Variants in APCDD1 observed in about 807,000 individuals in gnomAD.
The protein encoded by APCDD1 is protein APCDD1.
In APCDD1, 15 loss-of-function variants were observed where a neutral mutation model predicts 38.1. The observed-to-expected ratio is 0.39, with a 90% confidence interval of 0.26 to 0.61. The LOEUF (loss-of-function observed/expected upper bound fraction) is 0.61, where lower values mean the gene tolerates loss of function less well. Ranked by LOEUF, APCDD1 falls within the 20% of genes least tolerant of loss-of-function variation. The pLI is 0.49. For synonymous variants in APCDD1, 261 were observed against 279.7 expected, an observed-to-expected ratio of 0.93 and a Z score of 0.67; for missense variants, 647 against 696.2, an observed-to-expected ratio of 0.93 and a Z score of 0.79.
Position 10,471,336 on chromosome 18 carries a change from C to T in APCDD1, c.243-194C>T, listed in dbSNP as rs1023697599. Among the ~76,000 whole-genome samples the T allele has an allele frequency of 8.5e-5, 13 of 152,188 alleles. No individual in the cohort carries two copies. Among genetic ancestry groups the T allele is most frequent in the Admixed American group, 8.5e-4 (13 of 15,284 alleles). Reference sequence around the variant, plus strand: ...ACCTCAGTTTCCCCACCTGTAAAACCTGGGTGATGATAATACCTAACTCCT... The same window carrying T: ...ACCTCAGTTTCCCCACCTGTAAAACTTGGGTGATGATAATACCTAACTCCT... On this transcript the variant is annotated intron_variant, in intron 2 of 4. Coordinates refer to ENST00000355285, the MANE Select transcript of APCDD1 (RefSeq NM_153000.5). The surrounding 1 kb of genome is among the most constrained non-coding windows in gnomAD (Gnocchi z 5.5).
intron 4 of APCDD1, among the ~76,000 whole-genome samples, chr18:10,486,185 C>G (rs111876721): frequency 2.4e-4 from 36 of 152,240 alleles, no homozygotes; most frequent in African/African-American, 8.4e-4. Flanking sequence ...GGCCCTAACT[C>G]TATAAAAAAA....
In APCDD1 at chr18:10,458,882, C is replaced by T. The variant is rs1321452437; in HGVS notation, c.58+3843C>T. Among the ~76,000 whole-genome samples, 4 of 152,268 alleles carry T rather than the reference C, an allele frequency of 2.6e-5. 1 individual carries two copies. Among genetic ancestry groups the T allele is most frequent in the South Asian group, 2.1e-4 (1 of 4,820 alleles). The stretch of plus-strand genomic sequence containing the variant: ...TCGCAGGGAAAACCAGGAAAAAATC[C>T]GCTACCATCCTGGACGTATGAGTTC... On this transcript the variant is annotated intron_variant, in intron 1 of 4. Transcript: ENST00000355285.
rs751607212 is a variant in APCDD1, at chr18:10,485,641, C to T, written c.954C>T (p.Asn318=). 35 of 1,614,086 alleles carry T rather than the reference C, an allele frequency of 2.2e-5. No homozygotes were observed. The highest frequency in any genetic ancestry group is 1.9e-4 in the South Asian group (17 of 91,088). The change falls in exon 4 of 5, where the codon AAC becomes AAT. Residue 318 remains asparagine (N), a synonymous_variant. Transcript: ENST00000355285. This position sits in a 1 kb window ranked among gnomAD's most constrained non-coding sequence, Gnocchi z 5.8. ...FLTRHFIFHD[N]NNTWEGHYYH... ...CCCGCCACTTCATCTTCCATGACAA[C>T]AACAACACCTGGGAGGGCCACTACT...
chr18:10,483,327 T>A (rs745517174), intron 3 of APCDD1, among the ~76,000 whole-genome samples: 7 of 152,206 alleles, frequency 4.6e-5, no homozygotes, highest in Non-Finnish European at 1.0e-4. Flanking sequence ...CCCTAAGCCC[T>A]CTGTAGGAAA....
At position 10,470,398 on chromosome 18, in the gene APCDD1, G is replaced by A; in HGVS notation, c.243-1132G>A. Among the ~76,000 whole-genome samples the A allele has an allele frequency of 6.6e-6, 1 of 152,144 alleles. No homozygotes were observed. The highest frequency in any genetic ancestry group is 1.9e-4 in the East Asian group (1 of 5,190). ...GTTGAGTGCTTTATGTCCATAGGAT[G>A]TTACTCGACATCAGTTGTCAAACGT... On this transcript the variant is annotated intron_variant, in intron 2 of 4. Coordinates refer to ENST00000355285, the MANE Select transcript of APCDD1 (RefSeq NM_153000.5). The surrounding 1 kb of genome is among the most constrained non-coding windows in gnomAD (Gnocchi z 4.1).
chr18:10,460,937 A>G (rs546702631), intron 1 of APCDD1, among the ~76,000 whole-genome samples: 5 of 152,346 alleles, frequency 3.3e-5, no homozygotes, highest in Admixed American at 2.6e-4. Flanking sequence ...GGATGTGAAC[A>G]GTTAACCTGA....
At chr18:10,477,899 C>G (rs1427482923) in intron 3 of APCDD1, 1 of 152,192 alleles carries the variant, frequency 6.6e-6, no homozygotes, top group African/African-American at 2.4e-5. Context: ...AGTCTTTTCT[C>G]TTAAAGAACC....
chr18:10,471,603 TACCA>T lies in APCDD1; in HGVS notation c.318_321del (p.Gln107PhefsTer45). ...CTACCACAATAACACCTTCAAGGCC[TACCA>T]ATTTTATTATGGCAGCAACCGGTGC... On this transcript the variant is annotated frameshift_variant, in exon 3 of 5. Transcript: ENST00000355285. LOFTEE classifies it high-confidence loss of function. The surrounding 1 kb of genome is among the most constrained non-coding windows in gnomAD (Gnocchi z 5.5). 2 of 1,614,186 alleles carry T rather than the reference TACCA, an allele frequency of 1.2e-6. No homozygotes were observed. The highest frequency in any genetic ancestry group is 1.7e-6 in the Non-Finnish European group (2 of 1,180,032).
At chr18:10,460,048 AC>A (rs1462044995) in intron 1 of APCDD1, among the ~76,000 whole-genome samples, 1 of 152,194 alleles carries the variant, frequency 6.6e-6, no homozygotes, top group Non-Finnish European at 1.5e-5. Flanking sequence ...ATAGAGATTA[AC>A]CTGATCAAAG....
chr18:10,458,106 C>T (rs572193153), intron 1 of APCDD1, among the ~76,000 whole-genome samples: 1 of 152,314 alleles, frequency 6.6e-6, no homozygotes, highest in African/African-American at 2.4e-5. Flanking sequence ...CTCCAAAACA[C>T]AGATTAGCAT....
chr18:10,482,746 T>A (rs933104634), intron 3 of APCDD1, among the ~76,000 whole-genome samples: 8 of 152,232 alleles, frequency 5.3e-5, no homozygotes, highest in Non-Finnish European at 1.0e-4. Context: ...TTCCAGCAGT[T>A]ATGCAGGAGC....
Position 10,488,888 on chromosome 18 carries a change from T to C in APCDD1, c.*850T>C, listed in dbSNP as rs564766518. On this transcript the variant is annotated 3_prime_UTR_variant, in exon 5 of 5. Transcript: ENST00000355285. The stretch of plus-strand genomic sequence containing the variant: ...AGTGTGGTACATGCCACACAAATGA[T>C]AGAGAAAGTGCCCGTTCATTGCAGT... The C allele has an allele frequency of 1.3e-5, 2 of 152,292 alleles. No individual in the cohort carries two copies. The highest frequency in any genetic ancestry group is 6.5e-5 in the Admixed American group (1 of 15,298). The allele number at this position is 152,292 out of a possible 1,614,324, so 9.4% of individuals were successfully genotyped here. A position where few individuals can be genotyped will look rare whatever the true frequency, so the allele number is the denominator to read the frequency against.
Position 10,455,052 on chromosome 18 carries a change from G to C in APCDD1, c.58+13G>C, listed in dbSNP as rs1235143402. On this transcript the variant is annotated intron_variant, in intron 1 of 4. Transcript: ENST00000355285. ...CTCCTGCTTCACGGTGAGTTCCCGA[G>C]GGCCACTCGAGCGCTCCCAGCCGGC... The C allele has an allele frequency of 2.6e-6, 4 of 1,560,572 alleles. No individual in the cohort carries two copies. Among genetic ancestry groups the C allele is most frequent in the Admixed American group, 1.9e-5 (1 of 53,574 alleles).
At position 10,485,446 on chromosome 18, in the gene APCDD1, T is replaced by G. The variant is rs762923907; in HGVS notation, c.775-16T>G. The G allele has an allele frequency of 3.1e-6, 5 of 1,613,434 alleles. No individual in the cohort carries two copies. Among genetic ancestry groups the G allele is most frequent in the Admixed American group, 1.7e-5 (1 of 60,004 alleles). On this transcript the variant is annotated splice_polypyrimidine_tract_variant and intron_variant, in intron 3 of 4. Coordinates refer to ENST00000355285, the MANE Select transcript of APCDD1 (RefSeq NM_153000.5). The surrounding 1 kb of genome is among the most constrained non-coding windows in gnomAD (Gnocchi z 5.8). ...GAAGATAGAGGCCTCTGAATGTGTT[T>G]GTTTCTTGGCTTCAGAACCACGACC... is the stretch of plus-strand genomic sequence containing the variant.
chr18:10,463,441 C>T (rs931021021), intron 1 of APCDD1, among the ~76,000 whole-genome samples: 1 of 152,208 alleles, frequency 6.6e-6, no homozygotes, highest in Non-Finnish European at 1.5e-5. Context: ...ATGCAACAAA[C>T]ACAGGAGCTC....
rs1170139467 is a variant in APCDD1 at position 10,471,612 on chromosome 18, T to C, written c.325T>C (p.Tyr109His). The C allele has an allele frequency of 6.2e-7, 1 of 1,614,182 alleles. No individual in the cohort carries two copies. The highest frequency in any genetic ancestry group is 1.7e-5 in the Admixed American group (1 of 60,022). ...TAACACCTTCAAGGCCTACCAATTT[T>C]ATTATGGCAGCAACCGGTGCACAAA... Reference protein sequence around the residue: ...HNNTFKAYQFYYGSNRCTNPT... With the variant: ...HNNTFKAYQFHYGSNRCTNPT... Residue 109 changes from tyrosine to histidine, a missense_variant, in exon 3 of 5, where the codon TAT becomes CAT. Physicochemically the swap from Tyr to His is moderately conservative, Grantham distance 83. Coordinates refer to ENST00000355285, the MANE Select transcript of APCDD1 (RefSeq NM_153000.5). The surrounding 1 kb of genome is among the most constrained non-coding windows in gnomAD (Gnocchi z 5.5).
chr18:10,456,344 A>G (rs1018094137), intron 1 of APCDD1, among the ~76,000 whole-genome samples: 1 of 152,248 alleles, frequency 6.6e-6, no homozygotes, highest in African/African-American at 2.4e-5. Context: ...TTAGAATTAC[A>G]GAGCAGTTTT....
intron 4 of APCDD1, among the ~76,000 whole-genome samples, chr18:10,486,385 A>G (rs1005745894): frequency 2.0e-5 from 3 of 152,176 alleles, no homozygotes; most frequent in African/African-American, 7.2e-5. Context: ...TCAAGTCTGC[A>G]CTTTGTGTTC....
At position 10,467,971 on chromosome 18, in the gene APCDD1, G is replaced by A. The variant is rs1760574665; in HGVS notation, c.59-498G>A. ...CCCAGGCTGCAGTTTCATTGAGGCTGGTCTCCTTGTTCTTTCCTTTCCTCA... is the reference window on the plus strand; with the variant it reads ...CCCAGGCTGCAGTTTCATTGAGGCTAGTCTCCTTGTTCTTTCCTTTCCTCA... On this transcript the variant is annotated intron_variant, in intron 1 of 4. Coordinates refer to ENST00000355285, the MANE Select transcript of APCDD1 (RefSeq NM_153000.5). The surrounding 1 kb of genome is among the most constrained non-coding windows in gnomAD (Gnocchi z 4.8). Among the ~76,000 whole-genome samples, 1 of 152,098 alleles carries A rather than the reference G, an allele frequency of 6.6e-6. No individual in the cohort carries two copies. Among genetic ancestry groups the A allele is most frequent in the Non-Finnish European group, 1.5e-5 (1 of 68,012 alleles).
Sources: allele counts gnomAD v4.1 joint callset (sites outside exome capture counted in the v4.1 genomes callset), GRCh38; gene constraint gnomAD v4.1.1; non-coding constraint Gnocchi (gnomAD v3.1); transcripts MANE v1.5; gene names NCBI Gene and HGNC (gene_info 2026-07-23, HGNC 2026-07-21).